The following CCDC150 variants were observed in gnomAD, a reference collection of about 807,000 sequenced individuals.
CCDC150 encodes coiled-coil domain-containing protein 150.
CCDC150 carries 151 observed loss-of-function variants against 156.5 expected under a neutral mutation model. The observed-to-expected ratio is 0.97, with a 90% CI of 0.85 to 1.10. CCDC150 has a LOEUF of 1.10. Ranked by LOEUF, CCDC150 falls within the 50% of genes least tolerant of loss-of-function variation. The probability of loss-of-function intolerance (pLI) is 0.00; values close to 1 mark genes in which losing one functional copy is unlikely to be tolerated. For synonymous variants in CCDC150, 452 were observed against 429.4 expected, an observed-to-expected ratio of 1.05 and a Z score of -0.65; for missense variants, 1,312 against 1,268.1, an observed-to-expected ratio of 1.03 and a Z score of -0.53.
intron 15 of CCDC150, among the ~76,000 whole-genome samples, chr2:196,705,518 G>T (rs1291148410): frequency 1.3e-5 from 2 of 152,188 alleles, no homozygotes; most frequent in African/African-American, 4.8e-5. Flanking sequence ...TCTCATGGTA[G>T]TTAGTTTATT....
intron 14 of CCDC150, among the ~76,000 whole-genome samples, chr2:196,696,167 T>G (rs1476831612): frequency 1.3e-5 from 2 of 152,188 alleles, no homozygotes; most frequent in Non-Finnish European, 2.9e-5. Context: ...CTCAGTTTCT[T>G]AATCTGTCAA....
At chr2:196,689,063 G>A (rs1209207986) in intron 13 of CCDC150, among the ~76,000 whole-genome samples, 10 of 152,008 alleles carry the variant, frequency 6.6e-5, no homozygotes, top group East Asian at 1.9e-4. Context: ...GTAGATATGC[G>A]GCGTTATTTC....
At chr2:196,673,692 A>G (rs1329094582) in intron 9 of CCDC150, among the ~76,000 whole-genome samples, 1 of 152,176 alleles carries the variant, frequency 6.6e-6, no homozygotes, top group African/African-American at 2.4e-5. Context: ...AATAATACAA[A>G]TTTCAAATTA....
rs1339463275 is a variant in CCDC150 at position 196,718,516 on chromosome 2, T to C, written c.1880T>C (p.Leu627Pro). The C allele has an allele frequency of 6.2e-7, 1 of 1,610,516 alleles. No homozygotes were observed. Among genetic ancestry groups the C allele is most frequent in the Non-Finnish European group, 8.5e-7 (1 of 1,177,876 alleles). Residue 627 changes from leucine to proline, a missense_variant, in exon 18 of 28, where the codon CTT (leucine) becomes CCT (proline). By Grantham distance (98) the Leu-to-Pro change is moderately conservative. Coordinates refer to ENST00000389175, the MANE Select transcript of CCDC150 (RefSeq NM_001080539.2). Reference protein sequence around the residue: ...DAHLKEVKSILERSKEELSRT... With the variant: ...DAHLKEVKSIPERSKEELSRT... ...TTTCCTACTTAGGTGAAATCTATTC[T>C]TGAAAGAAGTAAAGAGGAGCTGTCC... is the stretch of plus-strand genomic sequence containing the variant.
Position 196,656,915 on chromosome 2 carries a change from C to A in CCDC150, c.398-43C>A, listed in dbSNP as rs186763920. On this transcript the variant is annotated intron_variant, in intron 3 of 27. Transcript: ENST00000389175. ...ATAGGTGCTTGATTTTCTTTACTGA[C>A]CTTCTTTCTGCTGCTTGATGCCCCT... 94 of 1,611,142 alleles carry A rather than the reference C, an allele frequency of 5.8e-5. No homozygotes were observed. The Admixed American group carries it at 6.9e-4, about 12-fold the overall frequency.
At chr2:196,722,946 C>T (rs1376466341) in intron 21 of CCDC150, among the ~76,000 whole-genome samples, 1 of 152,144 alleles carries the variant, frequency 6.6e-6, no homozygotes, top group Non-Finnish European at 1.5e-5. Flanking sequence ...CTCCTTGCAG[C>T]ATTTGCTTCA....
chr2:196,689,047 A>G (rs916980684), intron 13 of CCDC150, among the ~76,000 whole-genome samples: 2 of 152,138 alleles, frequency 1.3e-5, no homozygotes, highest in African/African-American at 4.8e-5. Flanking sequence ...CAAAGATCAG[A>G]TAGTTGTAGA....
At chr2:196,723,284 C>T (rs1022433698) in intron 21 of CCDC150, among the ~76,000 whole-genome samples, 2 of 152,230 alleles carry the variant, frequency 1.3e-5, no homozygotes, top group Non-Finnish European at 1.5e-5. Flanking sequence ...GGGCGGATCA[C>T]GAGGTCAGGA....
intron 5 of CCDC150, among the ~76,000 whole-genome samples, chr2:196,665,080 A>G (rs959322634): frequency 6.6e-6 from 1 of 152,208 alleles, no homozygotes; most frequent in African/African-American, 2.4e-5. Context: ...AGAGTTGAAA[A>G]TAAAGTCAGA....
chr2:196,692,076 T>C (rs368313091), intron 13 of CCDC150, among the ~76,000 whole-genome samples: 23 of 152,120 alleles, frequency 1.5e-4, no homozygotes, highest in African/African-American at 5.5e-4. Context: ...CTCTTTGTTC[T>C]CTAGTTCCTT....
At chr2:196,665,526 A>C in intron 5 of CCDC150, 41 bp from the exon 6 acceptor site, 1 of 1,188,882 alleles carries the variant, frequency 8.4e-7, no homozygotes, top group Non-Finnish European at 1.2e-6. Flanking sequence ...TTAAACTAGT[A>C]TGATCAATTG....
At chr2:196,679,981 T>C (rs1379844463) in intron 13 of CCDC150, among the ~76,000 whole-genome samples, 3 of 152,190 alleles carry the variant, frequency 2.0e-5, no homozygotes. Context: ...TTTTAAAACA[T>C]ATTCTTATAA....
intron 6 of CCDC150, among the ~76,000 whole-genome samples, chr2:196,666,160 A>T (rs1693827209): frequency 6.6e-6 from 1 of 152,244 alleles, no homozygotes; most frequent in Non-Finnish European, 1.5e-5. Flanking sequence ...GTTTTCAATT[A>T]TCATTATTTA....
At chr2:196,706,587 T>G (rs568076101) in intron 15 of CCDC150, among the ~76,000 whole-genome samples, 36 of 152,338 alleles carry the variant, frequency 2.4e-4, no homozygotes, top group Non-Finnish European at 4.6e-4. Context: ...CCCTGTCTTG[T>G]GCCAGTTTTC....
At chr2:196,650,416 C>T (rs1433285791) in intron 2 of CCDC150, among the ~76,000 whole-genome samples, 1 of 152,110 alleles carries the variant, frequency 6.6e-6, no homozygotes, top group African/African-American at 2.4e-5. Context: ...GTTTTTGAGA[C>T]TGAGTCTTGC....
chr2:196,687,337 T>C (rs1000517953), intron 13 of CCDC150, among the ~76,000 whole-genome samples: 1 of 152,250 alleles, frequency 6.6e-6, no homozygotes, highest in African/African-American at 2.4e-5. Flanking sequence ...TGGTATCTCA[T>C]TGTGGTTTTG....
chr2:196,673,492 C>T (rs761855476), intron 9 of CCDC150, among the ~76,000 whole-genome samples: 1 of 152,114 alleles, frequency 6.6e-6, no homozygotes, highest in African/African-American at 2.4e-5. Flanking sequence ...TACTGCCTGC[C>T]CATACCACTT....
In CCDC150 at chr2:196,658,776, C is replaced by T; in HGVS notation, c.577-16C>T. On this transcript the variant is annotated splice_polypyrimidine_tract_variant and intron_variant, in intron 4 of 27. Coordinates refer to ENST00000389175, the MANE Select transcript of CCDC150 (RefSeq NM_001080539.2). ...CATTTCAGATTATTTAGAATCTTTT[C>T]TCCTTCTACTTTTAGAAGAATGCAG... The T allele has an allele frequency of 1.9e-6, 3 of 1,566,196 alleles. No homozygotes were observed. The highest frequency in any genetic ancestry group is 2.6e-6 in the Non-Finnish European group (3 of 1,144,680).
chr2:196,699,656 A>T (rs1484449740), intron 14 of CCDC150, among the ~76,000 whole-genome samples: 4 of 152,064 alleles, frequency 2.6e-5, no homozygotes, highest in African/African-American at 9.7e-5. Flanking sequence ...AGTAACTAGG[A>T]CTACAGGCAT....
Sources: gnomAD v4.1 joint callset for allele counts (sites outside exome capture counted in the v4.1 genomes callset) on GRCh38, gnomAD v4.1.1 for gene constraint, MANE v1.5 for transcripts, NCBI Gene and HGNC (gene_info 2026-07-23, HGNC 2026-07-21) for gene names.